The following NFIA variants were observed in gnomAD, a reference collection of about 807,000 sequenced individuals.
The protein encoded by NFIA is nuclear factor I A, also known as nuclear factor 1 A-type.
NFIA carries 8 observed loss-of-function variants against 62.8 expected under a neutral mutation model. The ratio of observed to expected loss-of-function variants is 0.13; its 90% CI spans 0.07 to 0.23. The LOEUF is 0.23. NFIA is among the 10% of genes least tolerant of loss of function. The pLI is 1.00. For synonymous variants in NFIA, 235 were observed against 238.1 expected, an observed-to-expected ratio of 0.99 and a Z score of 0.12; for missense variants, 410 against 642.1, an observed-to-expected ratio of 0.64 and a Z score of 3.91.
At chr1:61,356,213 CT>C (rs1662943635) in intron 5 of NFIA, among the ~76,000 whole-genome samples, 2 of 152,114 alleles carry the variant, frequency 1.3e-5, no homozygotes, top group South Asian at 4.1e-4. Flanking sequence ...GTGGTAGGCA[CT>C]AGAGATTAAA....
At chr1:61,183,756 G>A (rs940082755) in intron 2 of NFIA, among the ~76,000 whole-genome samples, 7 of 152,174 alleles carry the variant, frequency 4.6e-5, no homozygotes, top group Admixed American at 3.3e-4. Flanking sequence ...GCCTGAGAGG[G>A]AGAGGGAGAG....
chr1:61,126,179 A>G (rs1032388549), intron 2 of NFIA, among the ~76,000 whole-genome samples: 1 of 152,136 alleles, frequency 6.6e-6, no homozygotes, highest in Non-Finnish European at 1.5e-5. Context: ...CATTACACTA[A>G]ACTGCCTCTC....
At chr1:61,311,920 T>G (rs1208399984) in intron 3 of NFIA, among the ~76,000 whole-genome samples, 1 of 152,152 alleles carries the variant, frequency 6.6e-6, no homozygotes, top group African/African-American at 2.4e-5. Flanking sequence ...CCACCAGTGG[T>G]GAAGAGCCCT....
chr1:61,444,624 TCAGA>T (rs1187856846), intron 10 of NFIA, among the ~76,000 whole-genome samples: 1 of 152,226 alleles, frequency 6.6e-6, no homozygotes, highest in Non-Finnish European at 1.5e-5. Flanking sequence ...ACATTTTAGC[TCAGA>T]CATTTTACTC....
chr1:61,306,261 ATTTTGTTCTTTTTTTT>A (rs1659782519), intron 3 of NFIA, among the ~76,000 whole-genome samples: 1 of 73,292 alleles, frequency 1.4e-5, no homozygotes, highest in African/African-American at 3.8e-5. Context: ...GGAGACCCAG[ATTTTGTTCTTTTTTTT>A]TTTTTTTTTT....
In NFIA at chr1:61,270,174, G is replaced by A. The variant is rs564003154; in HGVS notation, c.560-7346G>A. ...GGGATGTGAAGATCTGTAGGGCAGA[G>A]GTAAATGTACATTTTGGGGGGCCTT... On this transcript the variant is annotated intron_variant, in intron 2 of 10. Coordinates refer to ENST00000403491, the MANE Select transcript of NFIA (RefSeq NM_001134673.4). Among the ~76,000 whole-genome samples the A allele has an allele frequency of 2.6e-5, 4 of 152,268 alleles. No individual in the cohort carries two copies. In the South Asian group the frequency reaches 8.3e-4, roughly 32 times the overall value.
chr1:61,167,778 T>G (rs1034287855), intron 2 of NFIA, among the ~76,000 whole-genome samples: 1 of 152,304 alleles, frequency 6.6e-6, no homozygotes, highest in Middle Eastern at 3.4e-3. Context: ...TATGATCCTT[T>G]TAGTTTTCTT....
At chr1:61,081,047 C>T (rs1177811216), upstream of NFIA, among the ~76,000 whole-genome samples, 2 of 152,144 alleles carry the variant, frequency 1.3e-5, no homozygotes, top group Non-Finnish European at 2.9e-5. Context: ...GTTATGTCAC[C>T]TCCACCGAAG....
intron 2 of NFIA, among the ~76,000 whole-genome samples, chr1:61,270,550 T>C (rs1657442244): frequency 6.6e-6 from 1 of 152,214 alleles, no homozygotes; most frequent in East Asian, 1.9e-4. Context: ...TATCCTTCAT[T>C]TTCATTTGAA....
intron 2 of NFIA, among the ~76,000 whole-genome samples, chr1:61,102,313 GAA>G (rs1646525273): frequency 6.6e-6 from 1 of 152,162 alleles, no homozygotes; most frequent in African/African-American, 2.4e-5. Context: ...TTCCTTCAGA[GAA>G]AGAGAAAACC....
chr1:61,082,091 A>C, upstream of NFIA: 1 of 1,521,668 alleles, frequency 6.6e-7, no homozygotes. Flanking sequence ...GGGGACGAGG[A>C]AAAGTAGTTT....
chr1:61,156,148 A>G (rs1648805519), intron 2 of NFIA, among the ~76,000 whole-genome samples: 2 of 152,214 alleles, frequency 1.3e-5, no homozygotes. Flanking sequence ...AAAAAGAATT[A>G]AAACCCTTGA....
intron 2 of NFIA, among the ~76,000 whole-genome samples, chr1:61,164,967 A>G (rs1227895131): frequency 6.6e-6 from 1 of 152,170 alleles, no homozygotes; most frequent in Non-Finnish European, 1.5e-5. Flanking sequence ...ATTTGGGTGG[A>G]AAGGAGGAGG....
chr1:61,282,185 C>A (rs1221130861), intron 3 of NFIA, among the ~76,000 whole-genome samples: 2 of 152,246 alleles, frequency 1.3e-5, no homozygotes, highest in Middle Eastern at 3.4e-3. Context: ...CCCCCACCCC[C>A]ACTTCAATGA....
chr1:61,393,273 C>T (rs867592697), intron 7 of NFIA, among the ~76,000 whole-genome samples: 133 of 86,510 alleles, frequency 1.5e-3, no homozygotes, highest in Non-Finnish European at 2.3e-3. Context: ...CTCTCTCTCT[C>T]TCTCTCTCTC....
intron 3 of NFIA, among the ~76,000 whole-genome samples, chr1:61,316,943 G>C (rs1306401695): frequency 6.6e-6 from 1 of 152,042 alleles, no homozygotes; most frequent in Non-Finnish European, 1.5e-5. Flanking sequence ...ATTTTAAAAA[G>C]TTATTTCTGC....
intron 2 of NFIA, among the ~76,000 whole-genome samples, chr1:61,253,845 T>C (rs940926420): frequency 1.3e-5 from 2 of 152,146 alleles, no homozygotes; most frequent in African/African-American, 2.4e-5. Context: ...TAAAAAAAAA[T>C]AAAGCAGTGA....
Position 61,088,731 on chromosome 1 carries a change from C to T in NFIA, c.559+51C>T, listed in dbSNP as rs12091746. 1.3e-6 allele frequency: 2 copies of T among 1,559,282 alleles called. No homozygotes were observed. Among genetic ancestry groups the T allele is most frequent in the Non-Finnish European group, 1.7e-6 (2 of 1,154,642 alleles). ...CCACTTTCTTGTGTGTGTTTCTTTC[C>T]TGATGGCCTCCGCGTTATGCCGGAT... On this transcript the variant is annotated intron_variant, in intron 2 of 10. Transcript: ENST00000403491. This position sits in a 1 kb window ranked among gnomAD's most constrained non-coding sequence, Gnocchi z 4.5.
At chr1:61,388,414 A>G (rs980650487) in intron 7 of NFIA, among the ~76,000 whole-genome samples, 3 of 152,212 alleles carry the variant, frequency 2.0e-5, no homozygotes, top group Non-Finnish European at 4.4e-5. Context: ...CAAGAATTGT[A>G]AGTTTGCCTG....
Sources: gnomAD v4.1 joint callset for allele counts (sites outside exome capture counted in the v4.1 genomes callset) on GRCh38, gnomAD v4.1.1 for gene constraint, Gnocchi (gnomAD v3.1) non-coding constraint, MANE v1.5 for transcripts, NCBI Gene and HGNC (gene_info 2026-07-23, HGNC 2026-07-21) for gene names.